Variants in SGO2 observed in about 807,000 individuals in gnomAD.
The protein encoded by SGO2 is shugoshin 2.
In SGO2, 68 loss-of-function variants were observed where a neutral mutation model predicts 99.5. That is an observed-to-expected ratio of 0.68 (90% CI 0.56 to 0.84). The LOEUF is 0.84. SGO2 is among the 40% of genes least tolerant of loss of function. The pLI is 0.00. For missense variants in SGO2, 1,350 were observed against 1,436.7 expected (o/e 0.94, Z 0.97); for synonymous variants, 457 against 487.1 (o/e 0.94, Z 0.81).
chr2:200,545,358 G>C (rs768590212), intron 5 of SGO2, among the ~76,000 whole-genome samples: 10 of 152,062 alleles, frequency 6.6e-5, no homozygotes, highest in Non-Finnish European at 1.2e-4. Context: ...TCTCTGAATG[G>C]TGTCTTTAGA....
chr2:200,566,215 G>T (rs571374506), intron 5 of SGO2, among the ~76,000 whole-genome samples: 14 of 152,240 alleles, frequency 9.2e-5, no homozygotes, highest in African/African-American at 3.4e-4. Context: ...TCTGCCTTTG[G>T]TGTTTGACGA....
intron 5 of SGO2, among the ~76,000 whole-genome samples, chr2:200,547,773 CAAAGA>C (rs374563456): frequency 1.6e-4 from 25 of 152,004 alleles, no homozygotes; most frequent in African/African-American, 6.0e-4. Context: ...ACTTCACCTG[CAAAGA>C]CACATATAGA....
In SGO2 at chr2:200,575,316, A is replaced by T; in HGVS notation, c.3637A>T (p.Arg1213Ter). The change falls in exon 8 of 9, where the codon AGA (arginine) becomes TGA (stop). Residue 1213 changes from arginine to a stop codon, truncating the protein, a stop_gained. Transcript: ENST00000357799. LOFTEE classifies it high-confidence loss of function. The part of the protein sequence containing the change: ...RRTQKSGIGD[R>*]PLQDLSNTSF... The stretch of plus-strand genomic sequence containing the variant: ...AAAATAATATTCTTTTTCAGGTGAT[A>T]GACCATTACAGGACTTGTCAAATAC... 1 of 1,561,074 alleles carries T rather than the reference A, an allele frequency of 6.4e-7. No homozygotes were observed. The highest frequency in any genetic ancestry group is 1.9e-5 in the Admixed American group (1 of 53,472).
chr2:200,534,323 A>G lies in SGO2; in HGVS notation c.134-673A>G, dbSNP rs543813128. The stretch of plus-strand genomic sequence containing the variant: ...GAAATTTCTTTGCTTCCAACAGAAA[A>G]GCAATTTCAGGCGTGATTTAAATCA... On this transcript the variant is annotated intron_variant, in intron 2 of 8. Transcript: ENST00000357799. 1.9e-4 allele frequency among the ~76,000 whole-genome samples: 29 copies of G among 152,344 alleles called. No homozygotes were observed. In the South Asian group the frequency reaches 2.1e-3, roughly 11 times the overall value.
At chr2:200,527,899 T>G (rs2031180647) in intron 1 of SGO2, among the ~76,000 whole-genome samples, 1 of 152,154 alleles carries the variant, frequency 6.6e-6, no homozygotes. Flanking sequence ...AGTGTGCAGT[T>G]TTTAAGTAGT....
intron 4 of SGO2, among the ~76,000 whole-genome samples, chr2:200,539,385 TTTTA>T (rs1205556985): frequency 5.3e-5 from 8 of 152,116 alleles, no homozygotes; most frequent in Admixed American, 4.6e-4. Context: ...GTATTTGGGC[TTTTA>T]TTTGTCTTTT....
Position 200,570,983 on chromosome 2 carries a change from A to G in SGO2, c.704-67A>G, listed in dbSNP as rs1185674264. The G allele has an allele frequency of 2.9e-6, 4 of 1,401,364 alleles. No homozygotes were observed. In the East Asian group the frequency reaches 7.0e-5, roughly 25 times the overall value. The allele number at this position is 1,401,364 out of a possible 1,614,324, so 86.8% of individuals were successfully genotyped here. On this transcript the variant is annotated intron_variant, in intron 6 of 8. Coordinates refer to ENST00000357799, the MANE Select transcript of SGO2 (RefSeq NM_152524.6). This position sits in a 1 kb window ranked among gnomAD's most constrained non-coding sequence, Gnocchi z 4.4. ...TGTGAAACAGCTTGATTTCGAATCT[A>G]ATTTGTTTAAGGTAACTTATTTATT...
rs745955298 is a variant in SGO2, at chr2:200,573,118, T to C, written c.2772T>C (p.Tyr924=). ...TAATTTCTGAAATGAACCAGATATA[T>C]GAGGATAATGATAAAGATGCACATG... ...TEIISEMNQI[Y]EDNDKDAHVQ... Residue 924 remains tyrosine (Y), a synonymous_variant, in exon 7 of 9, where the codon TAT becomes TAC. Coordinates refer to ENST00000357799, the MANE Select transcript of SGO2 (RefSeq NM_152524.6). 5.7e-6 allele frequency: 9 copies of C among 1,590,878 alleles called. No individual in the cohort carries two copies. The African/African-American group carries it at 1.1e-4, about 19-fold the overall frequency.
intron 4 of SGO2, 138 bp downstream of exon 4, chr2:200,536,280 GC>G (rs1248224829): frequency 2.1e-6 from 1 of 466,566 alleles, no homozygotes; most frequent in African/African-American, 2.0e-5. Flanking sequence ...GTTTTAACTG[GC>G]TAACAGCATA....
At chr2:200,580,102 A>C (rs187643160) in intron 8 of SGO2, among the ~76,000 whole-genome samples, 1 of 152,252 alleles carries the variant, frequency 6.6e-6, no homozygotes, top group East Asian at 1.9e-4. Flanking sequence ...TTTTGTGTGT[A>C]TGAAAATTAG....
At position 200,573,301 on chromosome 2, in the gene SGO2, A is replaced by C. The variant is rs535907885; in HGVS notation, c.2955A>C (p.Lys985Asn). ...TAGATTCCTACAAAGTAGTTAAAAAACGTAAGAAAGAATCATCATGCAAGG... is the reference window on the plus strand; with the variant it reads ...TAGATTCCTACAAAGTAGTTAAAAACCGTAAGAAAGAATCATCATGCAAGG... ...QILDSYKVVK[K>N]RKKESSCKAK... The change falls in exon 7 of 9, where the codon AAA becomes AAC. Residue 985 changes from lysine (K) to asparagine (N), a missense_variant. Coordinates refer to ENST00000357799, the MANE Select transcript of SGO2 (RefSeq NM_152524.6). The C allele has an allele frequency of 3.7e-6, 6 of 1,606,138 alleles. No homozygotes were observed. Among genetic ancestry groups the C allele is most frequent in the South Asian group, 3.4e-5 (3 of 88,536 alleles).
At chr2:200,537,630 A>G (rs2031754838) in intron 4 of SGO2, among the ~76,000 whole-genome samples, 1 of 152,110 alleles carries the variant, frequency 6.6e-6, no homozygotes, top group Admixed American at 6.5e-5. Context: ...AGTTTTGGGA[A>G]TGCCTTATGA....
chr2:200,565,707 C>T (rs572630200), intron 5 of SGO2, among the ~76,000 whole-genome samples: 7 of 152,300 alleles, frequency 4.6e-5, no homozygotes, highest in East Asian at 1.9e-4. Flanking sequence ...ACCAGTCAGA[C>T]GTAGATTTGG....
chr2:200,574,178 A>G (rs1375467052), intron 7 of SGO2, among the ~76,000 whole-genome samples: 2 of 152,086 alleles, frequency 1.3e-5, no homozygotes, highest in South Asian at 2.1e-4. Context: ...CAGTGAGAGT[A>G]TCTTGGACAT....
chr2:200,536,268 C>G, intron 4 of SGO2, 126 bp downstream of exon 4: 1 of 507,030 alleles, frequency 2.0e-6, no homozygotes, highest in South Asian at 3.2e-5. Context: ...ATGATAATAT[C>G]AGTTTTAACT....
intron 8 of SGO2, among the ~76,000 whole-genome samples, chr2:200,578,875 A>T (rs2106353166): frequency 6.6e-6 from 1 of 152,276 alleles, no homozygotes; most frequent in East Asian, 1.9e-4. Flanking sequence ...GTTGTTACAA[A>T]TGAATCTTAG....
At position 200,539,032 on chromosome 2, in the gene SGO2, T is replaced by G. The variant is rs1307445045; in HGVS notation, c.387+2890T>G. ...TATATACTAAGCCCATAAAAAGAAT[T>G]TGGATGTTTTACTTTTTCTATGTTC... is the stretch of plus-strand genomic sequence containing the variant. On this transcript the variant is annotated intron_variant, in intron 4 of 8. Transcript: ENST00000357799. Among the ~76,000 whole-genome samples, 5 of 152,232 alleles carry G rather than the reference T, an allele frequency of 3.3e-5. No homozygotes were observed. In the East Asian group the frequency reaches 9.6e-4, roughly 29 times the overall value.
Position 200,538,103 on chromosome 2 carries a change from A to G in SGO2, c.387+1961A>G, listed in dbSNP as rs1196760212. ...TTCTTACTTTTTCTCTTGTTCCTCT[A>G]TGTATTCTCTTCTTATTATAACAGC... On this transcript the variant is annotated intron_variant, in intron 4 of 8. Transcript: ENST00000357799. Among the ~76,000 whole-genome samples, 9 of 152,158 alleles carry G rather than the reference A, an allele frequency of 5.9e-5. No homozygotes were observed. In the East Asian group the frequency reaches 9.6e-4, roughly 16 times the overall value.
chr2:200,566,883 A>G (rs961474427), intron 5 of SGO2, among the ~76,000 whole-genome samples: 1 of 152,194 alleles, frequency 6.6e-6, no homozygotes, highest in African/African-American at 2.4e-5. Context: ...CGCCGGATAT[A>G]ATCTCCTGGT....
Sources: allele counts gnomAD v4.1 joint callset (sites outside exome capture counted in the v4.1 genomes callset), GRCh38; gene constraint gnomAD v4.1.1; non-coding constraint Gnocchi (gnomAD v3.1); transcripts MANE v1.5; gene names NCBI Gene and HGNC (gene_info 2026-07-23, HGNC 2026-07-21).